OR4C6: variants seen among roughly 807,000 people sequenced by gnomAD.
OR4C6 encodes the protein olfactory receptor family 4 subfamily C member 6, also known as olfactory receptor 4C6.
Under a neutral mutation model 13.9 loss-of-function variants are expected in OR4C6, and 20 were observed. The observed-to-expected ratio is 1.43, with a 90% CI of 1.01 to 2.08. OR4C6 has a LOEUF of 2.08. OR4C6 is among the 30% of genes most tolerant of loss of function. The probability of loss-of-function intolerance (pLI) is 0.00; values close to 1 mark genes in which losing one functional copy is unlikely to be tolerated. For synonymous variants in OR4C6, 193 were observed against 141.5 expected, an observed-to-expected ratio of 1.36 and a Z score of -2.58; for missense variants, 555 against 381.2, an observed-to-expected ratio of 1.46 and a Z score of -3.80.
chr11:55,662,457 AT>A (rs1423695394), intron 1 of OR4C6, among the ~76,000 whole-genome samples: 2 of 139,314 alleles, frequency 1.4e-5, no homozygotes, highest in African/African-American at 2.5e-5. Context: ...TTGATAAATG[AT>A]ATTGATGTCC....
At chr11:55,663,577 C>T (rs1264549790) in intron 1 of OR4C6, among the ~76,000 whole-genome samples, 1 of 138,202 alleles carries the variant, frequency 7.2e-6, no homozygotes, top group African/African-American at 2.5e-5. Flanking sequence ...GATGAGAAAA[C>T]CAGGTTTCGG....
rs780236127 is a variant in OR4C6, at chr11:55,665,569, AG to A, written c.404del (p.Ser135IlefsTer7). Reference sequence around the variant, plus strand: ...GCCCCTGCACTACACGATCATCATGAGTCCACGGGTGTGCTGCCTAATGGTA... The same window carrying A: ...GCCCCTGCACTACACGATCATCATGATCCACGGGTGTGCTGCCTAATGGTA... ...CKPLHYTIIMSPRVCCLMVGG... is the reference protein window; with the variant it reads ...CKPLHYTIIMXPRVCCLMVGG... On this transcript the variant is annotated frameshift_variant, in exon 2 of 2. Coordinates refer to ENST00000314259, the MANE Select transcript of OR4C6 (RefSeq NM_001004704.2). LOFTEE classifies it high-confidence loss of function. 14 of 1,613,840 alleles carry A rather than the reference AG, an allele frequency of 8.7e-6. No individual in the cohort carries two copies. The highest frequency in any genetic ancestry group is 1.2e-5 in the Non-Finnish European group (14 of 1,180,016).
At position 55,665,335 on chromosome 11, in the gene OR4C6, A is replaced by G; in HGVS notation, c.169A>G (p.Met57Val). Residue 57 changes from methionine (M) to valine (V), a missense_variant, in exon 2 of 2, where the codon ATG (methionine) becomes GTG (valine). Transcript: ENST00000314259. ...CACAAGTCAGAGTCTGAGGTCACCTATGTATTTTTTTCTTACCTTCTTGTC... is the reference window on the plus strand; with the variant it reads ...CACAAGTCAGAGTCTGAGGTCACCTGTGTATTTTTTTCTTACCTTCTTGTC... The part of the protein sequence containing the change: ...IITSQSLRSP[M>V]YFFLTFLSLL... 4 of 1,613,718 alleles carry G rather than the reference A, an allele frequency of 2.5e-6. No homozygotes were observed. Among genetic ancestry groups the G allele is most frequent in the South Asian group, 1.1e-5 (1 of 91,086 alleles).
chr11:55,664,038 G>T (rs1858701920), intron 1 of OR4C6, among the ~76,000 whole-genome samples: 2 of 94,614 alleles, frequency 2.1e-5, no homozygotes, highest in African/African-American at 6.1e-5. Flanking sequence ...CATGTGGTGG[G>T]ATATACTAGG....
At chr11:55,664,788 A>G (rs1858714869) in intron 1 of OR4C6, among the ~76,000 whole-genome samples, 1 of 152,050 alleles carries the variant, frequency 6.6e-6, no homozygotes, top group Non-Finnish European at 1.5e-5. Context: ...AAAGCCAATC[A>G]TAGAATTATT....
chr11:55,663,083 G>T (rs1205153611), intron 1 of OR4C6, among the ~76,000 whole-genome samples: 1 of 138,630 alleles, frequency 7.2e-6, no homozygotes, highest in African/African-American at 2.5e-5. Context: ...GAGGACTGGG[G>T]AGGTTGAGAT....
chr11:55,665,692 AT>A lies in OR4C6; in HGVS notation c.527del (p.Ile176AsnfsTer8). ...FCGPNIIDHF[I>X]CDLFQLLTLA... The stretch of plus-strand genomic sequence containing the variant: ...TGGTCCTAATATCATAGATCACTTT[AT>A]ATGTGATTTGTTTCAGTTGTTGACA... On this transcript the variant is annotated frameshift_variant, in exon 2 of 2. Transcript: ENST00000314259. LOFTEE classifies it high-confidence loss of function. 1.2e-6 allele frequency: 2 copies of A among 1,613,804 alleles called. No individual in the cohort carries two copies. The highest frequency in any genetic ancestry group is 1.7e-6 in the Non-Finnish European group (2 of 1,179,954).
chr11:55,665,255 T>TTGTCATGTA lies in OR4C6; in HGVS notation c.93_101dup (p.Met32_Val34dup). ...TGGAAAATATTTTCTGCTGTGTTTC[T>TTGTCATGTA]TGTCATGTATGTAGCCACAGTGCTG... is the stretch of plus-strand genomic sequence containing the variant. On this transcript the variant is annotated inframe_insertion, in exon 2 of 2. Transcript: ENST00000314259. 2 of 1,612,752 alleles carry TTGTCATGTA rather than the reference T, an allele frequency of 1.2e-6. No individual in the cohort carries two copies. Among genetic ancestry groups the TTGTCATGTA allele is most frequent in the Non-Finnish European group, 1.7e-6 (2 of 1,178,888 alleles).
Position 55,665,964 on chromosome 11 carries a change from C to G in OR4C6, c.798C>G (p.Asp266Glu). The G allele has an allele frequency of 6.2e-7, 1 of 1,613,866 alleles. No homozygotes were observed. The highest frequency in any genetic ancestry group is 8.5e-7 in the Non-Finnish European group (1 of 1,179,926). ...YMRPVVTHPIDKAMAVSDSII... is the reference protein window; with the variant it reads ...YMRPVVTHPIEKAMAVSDSII... ...GGCCTGTGGTCACTCACCCCATAGA[C>G]AAGGCAATGGCTGTGTCAGACTCAA... Residue 266 changes from aspartate to glutamate, a missense_variant, in exon 2 of 2, where the codon GAC (aspartate) becomes GAG (glutamate). Coordinates refer to ENST00000314259, the MANE Select transcript of OR4C6 (RefSeq NM_001004704.2).
intron 1 of OR4C6, among the ~76,000 whole-genome samples, chr11:55,664,480 TA>T (rs1418992996): frequency 1.1e-4 from 17 of 152,058 alleles, no homozygotes; most frequent in Non-Finnish European, 2.2e-4. Context: ...ATTTAAAATT[TA>T]GAAGAAAAGC....
chr11:55,665,393 C>A lies in OR4C6; in HGVS notation c.227C>A (p.Ala76Asp), dbSNP rs746046068. The A allele has an allele frequency of 6.2e-7, 1 of 1,613,332 alleles. No individual in the cohort carries two copies. The highest frequency in any genetic ancestry group is 1.3e-5 in the African/African-American group (1 of 74,690). The change falls in exon 2 of 2, where the codon GCC (alanine) becomes GAC (aspartate). Residue 76 changes from alanine to aspartate, a missense_variant. Transcript: ENST00000314259. ...LLDVMFSSVVAPKVIVDTLSK... is the reference protein window; with the variant it reads ...LLDVMFSSVVDPKVIVDTLSK... ...GATGTCATGTTCTCATCTGTCGTTG[C>A]CCCCAAGGTGATTGTAGACACCCTC...
In OR4C6 at chr11:55,665,115, G is replaced by C. The variant is rs765588153; in HGVS notation, c.-42-10G>C. ...AGTCACTAATTATAAATCATATCTT[G>C]CTTATTTAGGATTCTCAACTCTCAG... On this transcript the variant is annotated splice_polypyrimidine_tract_variant and intron_variant, in intron 1 of 1. Coordinates refer to ENST00000314259, the MANE Select transcript of OR4C6 (RefSeq NM_001004704.2). 9.9e-6 allele frequency: 11 copies of C among 1,106,916 alleles called. No individual in the cohort carries two copies. Among genetic ancestry groups the C allele is most frequent in the Non-Finnish European group, 1.5e-5 (11 of 756,302 alleles). The allele number at this position is 1,106,916 out of a possible 1,614,324, so 68.6% of individuals were successfully genotyped here. A position where few individuals can be genotyped will look rare whatever the true frequency, so the allele number is the denominator to read the frequency against.
At chr11:55,664,432 G>C (rs547693033) in intron 1 of OR4C6, among the ~76,000 whole-genome samples, 2 of 152,044 alleles carry the variant, frequency 1.3e-5, no homozygotes, top group South Asian at 4.1e-4. Flanking sequence ...AATGAAGTCA[G>C]GGATTATATA....
Position 55,666,022 on chromosome 11 carries a change from A to T in OR4C6, c.856A>T (p.Thr286Ser), listed in dbSNP as rs1177389190. 4 of 1,613,862 alleles carry T rather than the reference A, an allele frequency of 2.5e-6. No individual in the cohort carries two copies. The Admixed American group carries it at 6.7e-5, about 27-fold the overall frequency. The change falls in exon 2 of 2, where the codon ACA becomes TCA. Residue 286 changes from threonine (T) to serine (S), a missense_variant. Coordinates refer to ENST00000314259, the MANE Select transcript of OR4C6 (RefSeq NM_001004704.2). ...ACCCATGTTAAATCCCTTGATCTAT[A>T]CACTGAGGAATGCAGAGGTGAAAAG... ...ITPMLNPLIY[T>S]LRNAEVKSAM... is the part of the protein sequence containing the mutation.
chr11:55,665,148 T>G lies in OR4C6; in HGVS notation c.-19T>G. On this transcript the variant is annotated 5_prime_UTR_variant, in exon 2 of 2. Transcript: ENST00000314259. ...AGGATTCTCAACTCTCAGCTGGAAC[T>G]CATATCAACACCTGAGAAATGGAAA... is the stretch of plus-strand genomic sequence containing the variant. 6.6e-7 allele frequency: 1 copy of G among 1,503,892 alleles called. No individual in the cohort carries two copies. Among genetic ancestry groups the G allele is most frequent in the Non-Finnish European group, 9.2e-7 (1 of 1,092,174 alleles). The allele number at this position is 1,503,892 out of a possible 1,614,324, so 93.2% of individuals were successfully genotyped here.
rs1311436380 is a variant in OR4C6 at position 55,662,820 on chromosome 11, C to T, written c.-43+572C>T. ...GAGCCATCAGGTGAAAATACTGGGGCGCTGTGAGGCAAAGGAGTTGGTAGC... is the reference window on the plus strand; with the variant it reads ...GAGCCATCAGGTGAAAATACTGGGGTGCTGTGAGGCAAAGGAGTTGGTAGC... On this transcript the variant is annotated intron_variant, in intron 1 of 1. Transcript: ENST00000314259. 1.1e-4 allele frequency among the ~76,000 whole-genome samples: 15 copies of T among 138,518 alleles called. 3 individuals carry two copies. Among genetic ancestry groups the T allele is most frequent in the African/African-American group, 2.5e-4 (10 of 39,830 alleles). The allele number at this position is 138,518 out of a possible 152,430, so 90.9% of individuals were successfully genotyped here.
intron 1 of OR4C6, among the ~76,000 whole-genome samples, chr11:55,664,051 T>G (rs1157032758): frequency 1.1e-5 from 1 of 92,700 alleles, no homozygotes; most frequent in African/African-American, 3.1e-5. Flanking sequence ...ATACTAGGTA[T>G]GAATCGAAGC....
At position 55,665,322 on chromosome 11, in the gene OR4C6, T is replaced by G. The variant is rs1196426945; in HGVS notation, c.156T>G (p.Ser52Arg). 1 of 1,613,672 alleles carries G rather than the reference T, an allele frequency of 6.2e-7. No individual in the cohort carries two copies. Among genetic ancestry groups the G allele is most frequent in the African/African-American group, 1.3e-5 (1 of 74,818 alleles). The change falls in exon 2 of 2, where the codon AGT becomes AGG. Residue 52 changes from serine to arginine, a missense_variant. By Grantham distance (110) the Ser-to-Arg change is moderately radical (BLOSUM62 -1). Transcript: ENST00000314259. The part of the protein sequence containing the change: ...LIVVTIITSQ[S>R]LRSPMYFFLT... The stretch of plus-strand genomic sequence containing the variant: ...TGGTAACTATTATCACAAGTCAGAG[T>G]CTGAGGTCACCTATGTATTTTTTTC...
chr11:55,665,816 C>T lies in OR4C6; in HGVS notation c.650C>T (p.Thr217Met), dbSNP rs150924885. 1.5e-4 allele frequency: 239 copies of T among 1,613,890 alleles called. No individual in the cohort carries two copies. The highest frequency in any genetic ancestry group is 7.4e-4 in the East Asian group (33 of 44,862). Reference sequence around the variant, plus strand: ...TTTCTTATCTTAATTGCGTCCTACACGGTCATCCTATGCTCCCTGAAGTCT... The same window carrying T: ...TTTCTTATCTTAATTGCGTCCTACATGGTCATCCTATGCTCCCTGAAGTCT... ...AIFLILIASY[T>M]VILCSLKSYS... The change falls in exon 2 of 2, where the codon ACG (threonine) becomes ATG (methionine). Residue 217 changes from threonine to methionine, a missense_variant. Physicochemically the swap from Thr to Met is moderately conservative, Grantham distance 81. Coordinates refer to ENST00000314259, the MANE Select transcript of OR4C6 (RefSeq NM_001004704.2).
Sources: allele counts gnomAD v4.1 joint callset (sites outside exome capture counted in the v4.1 genomes callset), GRCh38; gene constraint gnomAD v4.1.1; transcripts MANE v1.5; gene names NCBI Gene and HGNC (gene_info 2026-07-23, HGNC 2026-07-21).